The following CRLF3 variants were observed in gnomAD, a reference collection of about 807,000 sequenced individuals.
CRLF3 encodes cytokine receptor-like factor 3.
CRLF3 carries 33 observed loss-of-function variants against 55.0 expected under a neutral mutation model. The observed-to-expected ratio is 0.60, with a 90% CI of 0.46 to 0.80. The LOEUF is 0.80. Ranked by LOEUF, CRLF3 falls within the 30% of genes least tolerant of loss-of-function variation. The pLI, the probability that CRLF3 is intolerant of heterozygous loss-of-function variation, is 0.00. For synonymous variants in CRLF3, 238 were observed against 196.8 expected (o/e 1.21, Z -1.75); for missense variants, 494 against 538.4 (o/e 0.92, Z 0.82).
chr17:30,811,587 G>C (rs1489330659), intron 1 of CRLF3, among the ~76,000 whole-genome samples: 2 of 150,576 alleles, frequency 1.3e-5, no homozygotes, highest in Non-Finnish European at 3.0e-5. Flanking sequence ...TTGAATCACG[G>C]AGTCAGGAGT....
At position 30,807,517 on chromosome 17, in the gene CRLF3, C is replaced by CTTTTTTTTTT. The variant is rs778842582; in HGVS notation, c.130-3419_130-3410dup. ...CAGACCATAGAAACAATTTTCTTTC[C>CTTTTTTTTTT]TTTTTTTTTTTTTTTTTTTTTTTTT... is the stretch of plus-strand genomic sequence containing the variant. On this transcript the variant is annotated intron_variant, in intron 1 of 7. Transcript: ENST00000324238. Among the ~76,000 whole-genome samples the CTTTTTTTTTT allele has an allele frequency of 3.5e-4, 22 of 62,964 alleles. 4 individuals are homozygous for CTTTTTTTTTT. Among genetic ancestry groups the CTTTTTTTTTT allele is most frequent in the African/African-American group, 1.0e-3 (15 of 14,504 alleles). The allele number at this position is 62,964 out of a possible 152,430, so 41.3% of individuals were successfully genotyped here. A position where few individuals can be genotyped will look rare whatever the true frequency, so the allele number is the denominator to read the frequency against.
chr17:30,792,624 T>G, intron 5 of CRLF3, 52 bp from the exon 6 acceptor site: 2 of 1,518,886 alleles, frequency 1.3e-6, no homozygotes, highest in African/African-American at 1.4e-5. Flanking sequence ...GAGGGATATC[T>G]TCAATACAGA....
chr17:30,808,730 T>C (rs919410424), intron 1 of CRLF3, among the ~76,000 whole-genome samples: 1 of 151,966 alleles, frequency 6.6e-6, no homozygotes, highest in Non-Finnish European at 1.5e-5. Context: ...GTAGCTGGGA[T>C]TACAGGCATG....
chr17:30,814,528 G>C lies in CRLF3; in HGVS notation c.129+9995C>G, dbSNP rs757162610. The stretch of plus-strand genomic sequence containing the variant: ...AAAAATTAGCCGAGCGTGGTGGTGG[G>C]AGCCTGTAATCCCAGCTACTCAGGA... On this transcript the variant is annotated intron_variant, in intron 1 of 7. Transcript: ENST00000324238. Among the ~76,000 whole-genome samples the C allele has an allele frequency of 7.4e-4, 111 of 150,934 alleles. 1 individual carries two copies. Among genetic ancestry groups the C allele is most frequent in the Admixed American group, 2.1e-3 (32 of 15,068 alleles).
intron 2 of CRLF3, 22 bp downstream of exon 2, chr17:30,803,879 A>G (rs765144043): frequency 6.4e-7 from 1 of 1,569,430 alleles, no homozygotes; most frequent in Non-Finnish European, 8.8e-7. Context: ...GCACTAATAC[A>G]ACAGGCTCCC....
rs752476295 is a variant in CRLF3 at position 30,804,058 on chromosome 17, AT to A, written c.179del (p.Asn60MetfsTer3). On this transcript the variant is annotated frameshift_variant, in exon 2 of 8. Transcript: ENST00000324238. LOFTEE classifies it high-confidence loss of function. ...QTRDVLKQHF[N>X]DLKGTLGKLL... ...GCTTTCCAAGGGTTCCCTTTAAATC[AT>A]TAAAATGCTGTTTGAGAACATCCCT... 6.2e-7 allele frequency: 1 copy of A among 1,613,994 alleles called. No individual in the cohort carries two copies. The highest frequency in any genetic ancestry group is 1.1e-5 in the South Asian group (1 of 91,074).
rs1265969655 is a variant in CRLF3 at position 30,783,996 on chromosome 17, C to T, written c.*191G>A. On this transcript the variant is annotated 3_prime_UTR_variant, in exon 8 of 8. Transcript: ENST00000324238. ...AACAGTATGCTAAAAATAAAATTGA[C>T]TGAATTGTATGATTTTGTCCACAAC... The T allele has an allele frequency of 1.9e-6, 1 of 532,898 alleles. No individual in the cohort carries two copies. The highest frequency in any genetic ancestry group is 1.9e-5 in the African/African-American group (1 of 51,992). 33.0% of individuals were successfully genotyped at this position (532,898 alleles called of 1,614,324 possible). A position where few individuals can be genotyped will look rare whatever the true frequency, so the allele number is the denominator to read the frequency against.
chr17:30,794,941 G>A (rs749742314), intron 4 of CRLF3, among the ~76,000 whole-genome samples: 54 of 152,156 alleles, frequency 3.5e-4, no homozygotes, highest in Non-Finnish European at 7.4e-4. Context: ...CTTGTGGAAA[G>A]TTTGTTATTA....
intron 1 of CRLF3, among the ~76,000 whole-genome samples, chr17:30,822,380 CGA>C (rs1680872093): frequency 6.6e-6 from 1 of 152,148 alleles, no homozygotes; most frequent in Non-Finnish European, 1.5e-5. Flanking sequence ...GAGTTAGCTT[CGA>C]GAGATGCTGT....
chr17:30,793,441 G>C lies in CRLF3; in HGVS notation c.826+9C>G. ...TTAGGCTTCAGGAGAGAAAAGGTTA[G>C]CAGCATACCATGAGGCACCAATGTG... On this transcript the variant is annotated intron_variant, in intron 5 of 7. Coordinates refer to ENST00000324238, the MANE Select transcript of CRLF3 (RefSeq NM_015986.4). 1 of 1,607,804 alleles carries C rather than the reference G, an allele frequency of 6.2e-7. No homozygotes were observed. The highest frequency in any genetic ancestry group is 1.7e-5 in the Admixed American group (1 of 59,992).
In CRLF3 at chr17:30,796,267, T is replaced by C; in HGVS notation, c.496A>G (p.Ile166Val). Residue 166 changes from isoleucine to valine, a missense_variant, in exon 4 of 8, where the codon ATA becomes GTA. Ile to Val is a conservative substitution (Grantham distance 29). Coordinates refer to ENST00000324238, the MANE Select transcript of CRLF3 (RefSeq NM_015986.4). Reference sequence around the variant, plus strand: ...TGCTTAAAAATGTGGTCTTTCACTATGTTAAGAATTGAGTCATCCAACTGA... The same window carrying C: ...TGCTTAAAAATGTGGTCTTTCACTACGTTAAGAATTGAGTCATCCAACTGA... ...SAQLDDSILN[I>V]VKDHIFKHGT... 1 of 1,614,114 alleles carries C rather than the reference T, an allele frequency of 6.2e-7. No individual in the cohort carries two copies. Among genetic ancestry groups the C allele is most frequent in the Non-Finnish European group, 8.5e-7 (1 of 1,179,972 alleles).
At chr17:30,802,764 G>A (rs1223970379) in intron 2 of CRLF3, among the ~76,000 whole-genome samples, 2 of 152,156 alleles carry the variant, frequency 1.3e-5, no homozygotes, top group Non-Finnish European at 2.9e-5. Context: ...CTCTGTTGAA[G>A]GAAGGTGGTA....
At chr17:30,822,940 A>G (rs1905037904) in intron 1 of CRLF3, among the ~76,000 whole-genome samples, 1 of 152,246 alleles carries the variant, frequency 6.6e-6, no homozygotes, top group South Asian at 2.1e-4. Flanking sequence ...AGAGAAATAG[A>G]GATGAGTGCA....
intron 6 of CRLF3, 94 bp from the exon 7 acceptor site, chr17:30,786,125 C>CA: frequency 1.4e-6 from 1 of 731,334 alleles, no homozygotes; most frequent in Non-Finnish European, 2.4e-6. Flanking sequence ...AATCTCACCA[C>CA]AATTGTTTTT....
At chr17:30,796,022 T>C in intron 4 of CRLF3, 138 bp downstream of exon 4, 2 of 500,064 alleles carry the variant, frequency 4.0e-6, no homozygotes, top group Non-Finnish European at 7.0e-6. Flanking sequence ...TGTGACTTCA[T>C]TTTAACTGTA....
chr17:30,809,208 G>A (rs1904533230), intron 1 of CRLF3, among the ~76,000 whole-genome samples: 1 of 152,210 alleles, frequency 6.6e-6, no homozygotes, highest in African/African-American at 2.4e-5. Context: ...AAAACAGACA[G>A]AGGGCTAAAA....
At chr17:30,819,857 A>G (rs1250639671) in intron 1 of CRLF3, among the ~76,000 whole-genome samples, 1 of 152,202 alleles carries the variant, frequency 6.6e-6, no homozygotes, top group East Asian at 1.9e-4. Context: ...CCACCAAAGG[A>G]AAGAGGAAAG....
chr17:30,814,433 C>A (rs1484705207), intron 1 of CRLF3, among the ~76,000 whole-genome samples: 1 of 152,040 alleles, frequency 6.6e-6, no homozygotes, highest in Non-Finnish European at 1.5e-5. Context: ...GCAGGCGGAT[C>A]ACCTAAGGTC....
At chr17:30,788,284 C>T (rs534592126) in intron 6 of CRLF3, among the ~76,000 whole-genome samples, 86 of 149,172 alleles carry the variant, frequency 5.8e-4, no homozygotes, top group African/African-American at 2.0e-3. Flanking sequence ...GCCGATTGTG[C>T]CATTGCATTC....
Sources: gnomAD v4.1 joint callset for allele counts (sites outside exome capture counted in the v4.1 genomes callset) on GRCh38, gnomAD v4.1.1 for gene constraint, MANE v1.5 for transcripts, NCBI Gene and HGNC (gene_info 2026-07-23, HGNC 2026-07-21) for gene names.